Variants in DDX10 observed in about 807,000 individuals in gnomAD.
DDX10 encodes the protein probable ATP-dependent RNA helicase DDX10.
A neutral mutation model predicts 104.3 loss-of-function variants in DDX10; 74 were observed. That is an observed-to-expected ratio of 0.71 (90% confidence interval 0.59 to 0.86). The LOEUF (loss-of-function observed/expected upper bound fraction) is 0.86, where lower values mean the gene tolerates loss of function less well. Among genes scored for constraint, DDX10 ranks in the 40% least tolerant of loss-of-function variants. DDX10 has a pLI of 0.00. For missense variants in DDX10, 952 were observed against 1,040.0 expected (o/e 0.92, Z 1.16); for synonymous variants, 351 against 353.4 (o/e 0.99, Z 0.08).
At chr11:108,764,676 C>T (rs1420951855) in intron 13 of DDX10, among the ~76,000 whole-genome samples, 3 of 152,010 alleles carry the variant, frequency 2.0e-5, no homozygotes, top group Admixed American at 2.0e-4. Context: ...CAAGGAAAAA[C>T]AAAACAAAAA....
chr11:108,741,929 A>C (rs934124033), intron 13 of DDX10, among the ~76,000 whole-genome samples: 1 of 152,150 alleles, frequency 6.6e-6, no homozygotes, highest in African/African-American at 2.4e-5. Flanking sequence ...ACAAAAAGTA[A>C]AATTAGAGCA....
intron 13 of DDX10, among the ~76,000 whole-genome samples, chr11:108,738,646 C>T (rs1279623494): frequency 1.3e-5 from 2 of 152,118 alleles, no homozygotes; most frequent in African/African-American, 4.8e-5. Flanking sequence ...TTTTCTCTGC[C>T]TACCCCAAGC....
At position 108,716,539 on chromosome 11, in the gene DDX10, T is replaced by C. The variant is rs1166215106; in HGVS notation, c.1410+573T>C. 2.6e-5 allele frequency among the ~76,000 whole-genome samples: 4 copies of C among 152,236 alleles called. No individual in the cohort carries two copies. The East Asian group carries it at 7.7e-4, about 29-fold the overall frequency. Reference sequence around the variant, plus strand: ...TGCACAGTGGCCTGATTTCTAATACTTGATAACATTATTAAGTTTTTATTT... The same window carrying C: ...TGCACAGTGGCCTGATTTCTAATACCTGATAACATTATTAAGTTTTTATTT... On this transcript the variant is annotated intron_variant, in intron 11 of 17. Transcript: ENST00000322536.
chr11:108,773,327 T>C (rs748747559), intron 13 of DDX10, among the ~76,000 whole-genome samples: 1 of 152,252 alleles, frequency 6.6e-6, no homozygotes, highest in Admixed American at 6.5e-5. Context: ...ACTTAGACAA[T>C]TGGCTATTGA....
At chr11:108,864,686 C>T (rs1862985575) in intron 16 of DDX10, among the ~76,000 whole-genome samples, 1 of 152,024 alleles carries the variant, frequency 6.6e-6, no homozygotes. Context: ...TCTCGAACTC[C>T]TGGACTCACG....
At chr11:108,766,194 T>C (rs558996142) in intron 13 of DDX10, among the ~76,000 whole-genome samples, 6 of 152,312 alleles carry the variant, frequency 3.9e-5, no homozygotes, top group African/African-American at 1.4e-4. Flanking sequence ...TTGTTTGCTT[T>C]TATATCCCTC....
intron 13 of DDX10, among the ~76,000 whole-genome samples, chr11:108,744,526 C>G (rs1180617953): frequency 6.6e-6 from 1 of 152,112 alleles, no homozygotes; most frequent in Non-Finnish European, 1.5e-5. Flanking sequence ...TACTATTGAG[C>G]CTTTATGCAG....
At chr11:108,872,597 G>A (rs1200747897) in intron 16 of DDX10, among the ~76,000 whole-genome samples, 1 of 152,150 alleles carries the variant, frequency 6.6e-6, no homozygotes, top group Non-Finnish European at 1.5e-5. Context: ...AAAAATAGGA[G>A]TCCATTTTGG....
intron 16 of DDX10, among the ~76,000 whole-genome samples, chr11:108,874,525 C>G (rs889613472): frequency 6.6e-6 from 1 of 151,992 alleles, no homozygotes; most frequent in African/African-American, 2.4e-5. Context: ...TACTTTTTAA[C>G]CATTTTTATT....
intron 16 of DDX10, among the ~76,000 whole-genome samples, chr11:108,887,590 A>AC (rs942293963): frequency 1.3e-5 from 2 of 151,836 alleles, no homozygotes; most frequent in Non-Finnish European, 2.9e-5. Context: ...CTTAAAAAAA[A>AC]AAAAACAAAC....
chr11:108,705,418 G>T (rs2094274439), intron 9 of DDX10, among the ~76,000 whole-genome samples: 3 of 152,108 alleles, frequency 2.0e-5, no homozygotes, highest in South Asian at 2.1e-4. Flanking sequence ...ACATGTTTTT[G>T]TTTTTCTCTG....
At chr11:108,826,299 TATA>T (rs1390042669) in intron 13 of DDX10, among the ~76,000 whole-genome samples, 1 of 152,158 alleles carries the variant, frequency 6.6e-6, no homozygotes, top group Non-Finnish European at 1.5e-5. Context: ...TGGATAGAAG[TATA>T]ATAATAAACA....
intron 16 of DDX10, among the ~76,000 whole-genome samples, chr11:108,876,348 C>T (rs1017261753): frequency 6.6e-6 from 1 of 152,086 alleles, no homozygotes; most frequent in Non-Finnish European, 1.5e-5. Context: ...TTAAGTGACT[C>T]GTCTAAAGTT....
chr11:108,824,530 A>T (rs1320765729), intron 13 of DDX10, among the ~76,000 whole-genome samples: 1 of 152,176 alleles, frequency 6.6e-6, no homozygotes, highest in Non-Finnish European at 1.5e-5. Context: ...AGCTGTAGAG[A>T]TGAGAAATTG....
chr11:108,720,841 C>T (rs2094297439), intron 12 of DDX10, among the ~76,000 whole-genome samples: 1 of 151,412 alleles, frequency 6.6e-6, no homozygotes, highest in African/African-American at 2.4e-5. Context: ...GATCCCCCCA[C>T]CTCAGCCTTC....
At chr11:108,727,411 C>T (rs2094306679) in intron 13 of DDX10, among the ~76,000 whole-genome samples, 1 of 152,116 alleles carries the variant, frequency 6.6e-6, no homozygotes, top group Non-Finnish European at 1.5e-5. Context: ...TGTCCTCAAA[C>T]AGTAAAGTTA....
chr11:108,935,380 A>G (rs1190246308), intron 17 of DDX10, among the ~76,000 whole-genome samples: 5 of 152,218 alleles, frequency 3.3e-5, no homozygotes, highest in Non-Finnish European at 5.9e-5. Context: ...GGCTTATACC[A>G]GATCATGAGA....
At chr11:108,687,830 A>T (rs1019616238) in intron 6 of DDX10, among the ~76,000 whole-genome samples, 1 of 152,174 alleles carries the variant, frequency 6.6e-6, no homozygotes, top group Non-Finnish European at 1.5e-5. Context: ...TAACTTAGTC[A>T]TATCTAAAAC....
At chr11:108,807,345 A>G (rs1862115236) in intron 13 of DDX10, among the ~76,000 whole-genome samples, 2 of 152,140 alleles carry the variant, frequency 1.3e-5, no homozygotes, top group South Asian at 2.1e-4. Flanking sequence ...TATGGGTTCA[A>G]ATTTATATTT....
Sources: allele counts gnomAD v4.1 joint callset (sites outside exome capture counted in the v4.1 genomes callset), GRCh38; gene constraint gnomAD v4.1.1; transcripts MANE v1.5; gene names NCBI Gene and HGNC (gene_info 2026-07-23, HGNC 2026-07-21).